The following NADK variants were observed in gnomAD, a reference collection of about 807,000 sequenced individuals.
NADK encodes NAD kinase.
A neutral mutation model predicts 49.8 loss-of-function variants in NADK; 22 were observed. That is an observed-to-expected ratio of 0.44 (90% CI 0.32 to 0.63). The LOEUF (loss-of-function observed/expected upper bound fraction) is 0.63. Among genes scored for constraint, NADK ranks in the 30% least tolerant of loss-of-function variants. The probability of loss-of-function intolerance (pLI) is 0.06; values close to 1 mark genes in which losing one functional copy is unlikely to be tolerated. For synonymous variants in NADK, 268 were observed against 253.7 expected, an observed-to-expected ratio of 1.06 and a Z score of -0.54; for missense variants, 438 against 609.4, an observed-to-expected ratio of 0.72 and a Z score of 2.96.
intron 3 of NADK, among the ~76,000 whole-genome samples, chr1:1,757,526 G>A (rs1645569593): frequency 6.6e-6 from 1 of 151,394 alleles, no homozygotes; most frequent in Non-Finnish European, 1.5e-5. Flanking sequence ...TCACCTGCTT[G>A]GCCCATCACA....
intron 1 of NADK, among the ~76,000 whole-genome samples, chr1:1,766,733 T>C (rs984581646): frequency 5.3e-5 from 8 of 151,418 alleles, no homozygotes; most frequent in African/African-American, 1.2e-4. Flanking sequence ...GCCTTCCAAG[T>C]AGCTGGGACT....
upstream of NADK, among the ~76,000 whole-genome samples, chr1:1,779,627 T>TC (rs1646313367): frequency 6.6e-6 from 1 of 151,938 alleles, no homozygotes; most frequent in African/African-American, 2.4e-5. Context: ...TACAAGTAGG[T>TC]CCCGCCACAC....
Position 1,769,274 on chromosome 1 carries a change from C to T in NADK, c.-40-3828G>A, listed in dbSNP as rs117082381. ...CTCGACTAAAAGTACAGGCTGGGTG[C>T]GGTGGTTCACGCCAGTAATCCCAGC... is the stretch of plus-strand genomic sequence containing the variant. On this transcript the variant is annotated intron_variant, in intron 1 of 11. Coordinates refer to ENST00000341426, the MANE Select transcript of NADK (RefSeq NM_023018.5). Among the ~76,000 whole-genome samples, 622 of 152,182 alleles carry T rather than the reference C, an allele frequency of 4.1e-3. 11 individuals are homozygous for T. Among genetic ancestry groups the T allele is most frequent in the East Asian group, 0.029 (148 of 5,180 alleles).
chr1:1,768,392 A>T (rs567429575), intron 1 of NADK, among the ~76,000 whole-genome samples: 1 of 150,592 alleles, frequency 6.6e-6, no homozygotes, highest in South Asian at 2.1e-4. Flanking sequence ...AAACAAAAAC[A>T]AAACCAAAAC....
At chr1:1,756,449 A>G (rs1028905398) in intron 5 of NADK, 54 bp downstream of exon 5, 35 of 1,612,388 alleles carry the variant, frequency 2.2e-5, no homozygotes, top group Non-Finnish European at 2.5e-5. Context: ...GAAGCTTCCA[A>G]TGGGGCGGGG....
rs1645364056 is a variant in NADK at position 1,752,731 on chromosome 1, A to T, written c.*173T>A. ...TTTAGAAATGCAAAAAAAGTCAGAC[A>T]TTTTAAAAAAACAGCTGATCTGGAC... On this transcript the variant is annotated 3_prime_UTR_variant, in exon 12 of 12. Coordinates refer to ENST00000341426, the MANE Select transcript of NADK (RefSeq NM_023018.5). 1.4e-6 allele frequency: 1 copy of T among 735,904 alleles called. No homozygotes were observed. Among genetic ancestry groups the T allele is most frequent in the Non-Finnish European group, 2.1e-6 (1 of 470,206 alleles). 45.6% of individuals were successfully genotyped at this position (735,904 alleles called of 1,614,324 possible). A position where few individuals can be genotyped will look rare whatever the true frequency, so the allele number is the denominator to read the frequency against.
In NADK at chr1:1,754,412, G is replaced by A. The variant is rs1426347989; in HGVS notation, c.844-29C>T. On this transcript the variant is annotated intron_variant, in intron 8 of 11. Transcript: ENST00000341426. This position sits in a 1 kb window ranked among gnomAD's most constrained non-coding sequence, Gnocchi z 4.3. The stretch of plus-strand genomic sequence containing the variant: ...GAGGGGCGACAGCATTGCACACTCA[G>A]GGCGGGGGATGCCGCACGGCTCGCA... 6.2e-7 allele frequency: 1 copy of A among 1,611,848 alleles called. No individual in the cohort carries two copies. Among genetic ancestry groups the A allele is most frequent in the Admixed American group, 1.7e-5 (1 of 59,990 alleles).
chr1:1,770,248 T>G (rs376085368), intron 1 of NADK, among the ~76,000 whole-genome samples: 13 of 151,776 alleles, frequency 8.6e-5, no homozygotes, highest in African/African-American at 3.1e-4. Context: ...CAAAAACATG[T>G]CTGGTATAAC....
intron 2 of NADK, 91 bp from the exon 3 acceptor site, chr1:1,762,126 CAT>C (rs1645743724): frequency 1.0e-5 from 11 of 1,092,914 alleles, no homozygotes; most frequent in Non-Finnish European, 1.4e-5. Flanking sequence ...CACGGTAAGG[CAT>C]ACATGCAATT....
At chr1:1,764,231 CA>C (rs1245896797) in intron 2 of NADK, among the ~76,000 whole-genome samples, 2 of 152,212 alleles carry the variant, frequency 1.3e-5, no homozygotes, top group Non-Finnish European at 1.5e-5. Context: ...GCCCCCCTTG[CA>C]TTTGATAGTC....
chr1:1,757,389 A>T (rs1277346594), intron 3 of NADK, 79 bp from the exon 4 acceptor site: 4 of 1,326,384 alleles, frequency 3.0e-6, no homozygotes, highest in Non-Finnish European at 3.1e-6. Context: ...GAAAATAAAA[A>T]AAAAAATCTT....
chr1:1,776,604 C>T (rs995922160), intron 1 of NADK, among the ~76,000 whole-genome samples: 2 of 151,930 alleles, frequency 1.3e-5, no homozygotes, highest in African/African-American at 4.8e-5. Flanking sequence ...TGAAACCCGT[C>T]TCTACTAAAA....
intron 3 of NADK, among the ~76,000 whole-genome samples, chr1:1,757,680 T>C (rs1049855115): frequency 6.6e-6 from 1 of 152,162 alleles, no homozygotes; most frequent in Non-Finnish European, 1.5e-5. Context: ...AGCCCATGGC[T>C]GGGCCACTCT....
chr1:1,763,631 AAAAAG>A (rs1030698108), intron 2 of NADK, among the ~76,000 whole-genome samples: 18 of 137,584 alleles, frequency 1.3e-4, no homozygotes, highest in Non-Finnish European at 2.2e-4. Context: ...AAAAAAAAAA[AAAAAG>A]AAGAAGAAAA....
chr1:1,753,698 G>T (rs370745348), intron 10 of NADK, 49 bp from the exon 11 acceptor site: 1 of 1,506,196 alleles, frequency 6.6e-7, no homozygotes, highest in East Asian at 2.3e-5. Context: ...TGGGGAGGAC[G>T]CTTCTAGGCA....
chr1:1,769,587 G>A (rs920845733), intron 1 of NADK, among the ~76,000 whole-genome samples: 11 of 151,974 alleles, frequency 7.2e-5, no homozygotes, highest in Non-Finnish European at 1.6e-4. Context: ...AACTAGCCGC[G>A]TGTGGTGGCG....
intron 3 of NADK, among the ~76,000 whole-genome samples, chr1:1,758,892 C>CCG (rs971671688): frequency 1.3e-5 from 2 of 152,206 alleles, no homozygotes; most frequent in Admixed American, 6.5e-5. Context: ...CCGCTCTGGC[C>CCG]CGCGGAACCG....
At position 1,765,352 on chromosome 1, in the gene NADK, C is replaced by A. The variant is rs762585014; in HGVS notation, c.55G>T (p.Ala19Ser). 2.5e-6 allele frequency: 4 copies of A among 1,613,094 alleles called. No homozygotes were observed. The highest frequency in any genetic ancestry group is 3.3e-5 in the Admixed American group (2 of 59,932). ...TMNKELSPDA[A>S]AYCCSACHGD... ...TGGCAGGCCGAGCAGCAGTAAGCAGCCGCGTCTGGACTCAATTCCTTATTC... is the reference window on the plus strand; with the variant it reads ...TGGCAGGCCGAGCAGCAGTAAGCAGACGCGTCTGGACTCAATTCCTTATTC... The change falls in exon 2 of 12, where the codon GCT becomes TCT. Residue 19 changes from alanine to serine, a missense_variant. Coordinates refer to ENST00000341426, the MANE Select transcript of NADK (RefSeq NM_023018.5).
intron 1 of NADK, among the ~76,000 whole-genome samples, chr1:1,776,965 C>G (rs1312616969): frequency 6.6e-6 from 1 of 152,028 alleles, no homozygotes; most frequent in African/African-American, 2.4e-5. Context: ...GTAATCCCAG[C>G]TACTCAGGAG....
Sources: allele counts gnomAD v4.1 joint callset (sites outside exome capture counted in the v4.1 genomes callset), GRCh38; gene constraint gnomAD v4.1.1; non-coding constraint Gnocchi (gnomAD v3.1); transcripts MANE v1.5; gene names NCBI Gene and HGNC (gene_info 2026-07-23, HGNC 2026-07-21).